PRKCB: variants seen among roughly 807,000 people sequenced by gnomAD.
The protein encoded by PRKCB is protein kinase C beta type.
PRKCB carries 13 observed loss-of-function variants against 81.5 expected under a neutral mutation model. The observed-to-expected ratio is 0.16, with a 90% CI of 0.10 to 0.25. The LOEUF (loss-of-function observed/expected upper bound fraction) is 0.25. Among genes scored for constraint, PRKCB ranks in the 10% least tolerant of loss-of-function variants. The pLI, the probability that PRKCB is intolerant of heterozygous loss-of-function variation, is 1.00. For synonymous variants in PRKCB, 335 were observed against 321.4 expected, an observed-to-expected ratio of 1.04 and a Z score of -0.45; for missense variants, 509 against 875.7, an observed-to-expected ratio of 0.58 and a Z score of 5.29.
At chr16:23,858,849 T>C (rs1014185209) in intron 2 of PRKCB, among the ~76,000 whole-genome samples, 4 of 152,152 alleles carry the variant, frequency 2.6e-5, no homozygotes, top group Non-Finnish European at 4.4e-5. Context: ...CATGATCTCA[T>C]TGAATGTCCA....
chr16:24,021,072 C>CTTTCTTTCTTTCTTTCTTTCTTTCTTTCT (rs869305099), intron 3 of PRKCB, among the ~76,000 whole-genome samples: 4 of 94,372 alleles, frequency 4.2e-5, no homozygotes, highest in Non-Finnish European at 8.8e-5. Flanking sequence ...CCCTCCCTCC[C>CTTTCTTTCTTTCTTTCTTTCTTTCTTTCT]TTCTTTCTTT....
intron 10 of PRKCB, among the ~76,000 whole-genome samples, chr16:24,159,981 T>C (rs911874081): frequency 6.6e-6 from 1 of 151,948 alleles, no homozygotes; most frequent in Non-Finnish European, 1.5e-5. Flanking sequence ...TGATACTTTG[T>C]CTCAAAAAAT....
At chr16:24,213,811 A>G (rs1410952040) in intron 16 of PRKCB, among the ~76,000 whole-genome samples, 1 of 152,232 alleles carries the variant, frequency 6.6e-6, no homozygotes, top group Non-Finnish European at 1.5e-5. Context: ...ATTTGCAGAC[A>G]TGTACATACA....
intron 2 of PRKCB, among the ~76,000 whole-genome samples, chr16:23,921,972 G>T (rs1334786912): frequency 6.6e-6 from 1 of 152,132 alleles, no homozygotes; most frequent in Non-Finnish European, 1.5e-5. Flanking sequence ...TAGGGAAAGG[G>T]CAGAGCAGGC....
chr16:23,875,480 G>GATAGATATATAT (rs1555480880), intron 2 of PRKCB, among the ~76,000 whole-genome samples: 1 of 4,648 alleles, frequency 2.2e-4, no homozygotes, highest in Admixed American at 2.6e-3. Flanking sequence ...CAACTAAAAA[G>GATAGATATATAT]ATATATATAT....
intron 2 of PRKCB, among the ~76,000 whole-genome samples, chr16:23,941,621 C>T (rs1051918120): frequency 3.9e-5 from 6 of 152,030 alleles, no homozygotes; most frequent in Non-Finnish European, 8.8e-5. Context: ...TCTATTAATA[C>T]GTCCCATCAA....
chr16:24,107,027 G>A (rs1468623500), intron 7 of PRKCB, among the ~76,000 whole-genome samples: 1 of 152,112 alleles, frequency 6.6e-6, no homozygotes, highest in Non-Finnish European at 1.5e-5. Flanking sequence ...TAGATATCAA[G>A]CCACTTGCCA....
At chr16:24,164,587 G>A (rs1967313868) in intron 10 of PRKCB, among the ~76,000 whole-genome samples, 1 of 152,152 alleles carries the variant, frequency 6.6e-6, no homozygotes, top group African/African-American at 2.4e-5. Context: ...AGTTGACGGT[G>A]GAACACCCAC....
intron 5 of PRKCB, among the ~76,000 whole-genome samples, chr16:24,062,106 T>C (rs991768266): frequency 3.9e-5 from 6 of 152,206 alleles, no homozygotes; most frequent in Admixed American, 1.3e-4. Flanking sequence ...TTACTAATTG[T>C]ATCAGTAAGC....
intron 15 of PRKCB, 35 bp from the exon 16 acceptor site, chr16:24,191,055 A>G (rs954275962): frequency 6.2e-7 from 1 of 1,605,314 alleles, no homozygotes; most frequent in African/African-American, 1.3e-5. Flanking sequence ...CTCTTCTGAA[A>G]CTCAGCAAAT....
At chr16:24,192,956 T>A (rs185635255) in intron 16 of PRKCB, among the ~76,000 whole-genome samples, 301 of 151,938 alleles carry the variant, frequency 2.0e-3, no homozygotes, top group African/African-American at 7.0e-3. Flanking sequence ...TGGAGAATCA[T>A]CTCCTTTTTT....
At chr16:24,141,100 C>T (rs1355748069) in intron 9 of PRKCB, among the ~76,000 whole-genome samples, 1 of 152,210 alleles carries the variant, frequency 6.6e-6, no homozygotes, top group African/African-American at 2.4e-5. Flanking sequence ...ATGAAATCAT[C>T]ATCATGGCCC....
chr16:24,152,572 C>T (rs1432953091), intron 9 of PRKCB, among the ~76,000 whole-genome samples: 2 of 152,172 alleles, frequency 1.3e-5, no homozygotes, highest in African/African-American at 4.8e-5. Context: ...CTCCCTGCCC[C>T]CTCCCTGCAC....
chr16:23,922,466 C>G (rs759329831), intron 2 of PRKCB, among the ~76,000 whole-genome samples: 3 of 152,236 alleles, frequency 2.0e-5, no homozygotes, highest in Non-Finnish European at 4.4e-5. Flanking sequence ...TAGGCTAGAT[C>G]TCTGCAACCT....
intron 2 of PRKCB, among the ~76,000 whole-genome samples, chr16:23,912,414 G>A (rs757950682): frequency 1.3e-5 from 2 of 151,518 alleles, no homozygotes; most frequent in Non-Finnish European, 2.9e-5. Context: ...ATCTTGGTCA[G>A]CCCCGTGTCC....
rs1968296443 is a variant in PRKCB at position 24,219,939 on chromosome 16, G to A, written c.*5123G>A. ...GTCTTTCTTCTTACGCTGTGTTAAT[G>A]TGTTTACTTTCCATTTGGCAGAGAG... On this transcript the variant is annotated 3_prime_UTR_variant, in exon 17 of 17. Coordinates refer to ENST00000643927, the MANE Select transcript of PRKCB (RefSeq NM_002738.7). The A allele has an allele frequency of 6.2e-7, 1 of 1,613,316 alleles. No individual in the cohort carries two copies. The highest frequency in any genetic ancestry group is 2.2e-5 in the East Asian group (1 of 44,798).
chr16:23,959,248 GGT>G (rs1269257012), intron 2 of PRKCB, among the ~76,000 whole-genome samples: 8 of 152,170 alleles, frequency 5.3e-5, no homozygotes, highest in African/African-American at 1.4e-4. Flanking sequence ...GTATATCAGA[GGT>G]GTTATGGTGA....
At position 23,836,286 on chromosome 16, in the gene PRKCB, C is replaced by T; in HGVS notation, c.111C>T (p.His37=). Residue 37 remains histidine, a synonymous_variant, in exon 1 of 17, where the codon CAC becomes CAT. Transcript: ENST00000643927. ...AGAACGTGCATGAGGTCAAGAACCA[C>T]AAATTCACCGCCCGCTTCTTCAAGC... ...RQKNVHEVKN[H]KFTARFFKQP... The T allele has an allele frequency of 6.2e-7, 1 of 1,605,834 alleles. No homozygotes were observed. The highest frequency in any genetic ancestry group is 8.5e-7 in the Non-Finnish European group (1 of 1,176,442).
chr16:24,113,361 G>GT (rs1297210863), intron 8 of PRKCB, among the ~76,000 whole-genome samples: 2 of 133,166 alleles, frequency 1.5e-5, no homozygotes, highest in South Asian at 2.5e-4. Context: ...CCTTTTCTTT[G>GT]TTTTTTCCTT....
Sources: allele counts gnomAD v4.1 joint callset (sites outside exome capture counted in the v4.1 genomes callset), GRCh38; gene constraint gnomAD v4.1.1; transcripts MANE v1.5; gene names NCBI Gene and HGNC (gene_info 2026-07-23, HGNC 2026-07-21).